The following EYS variants were observed in gnomAD, a reference collection of about 807,000 sequenced individuals.
The protein encoded by EYS is EGF-like photoreceptor maintenance factor.
In EYS, 250 loss-of-function variants were observed where a neutral mutation model predicts 282.1. That is an observed-to-expected ratio of 0.89 (90% CI 0.80 to 0.98). The LOEUF is 0.98. Among genes scored for constraint, EYS ranks in the 50% least tolerant of loss-of-function variants. EYS has a pLI of 0.00. For missense variants in EYS, 4,016 were observed against 3,709.0 expected (o/e 1.08, Z -2.15); for synonymous variants, 1,355 against 1,282.9 (o/e 1.06, Z -1.20).
chr6:64,267,539 G>T (rs1767802771), intron 30 of EYS, among the ~76,000 whole-genome samples: 1 of 151,922 alleles, frequency 6.6e-6, no homozygotes, highest in African/African-American at 2.4e-5. Context: ...AATTCCACTG[G>T]CTTTAAAGAC....
chr6:64,891,835 G>A (rs922944790), intron 18 of EYS, among the ~76,000 whole-genome samples: 2 of 151,754 alleles, frequency 1.3e-5, no homozygotes, highest in Admixed American at 1.3e-4. Flanking sequence ...TATCTTGAGA[G>A]AACAATTAAG....
chr6:65,132,172 A>C (rs1380675652), intron 12 of EYS, among the ~76,000 whole-genome samples: 1 of 151,962 alleles, frequency 6.6e-6, no homozygotes, highest in Non-Finnish European at 1.5e-5. Flanking sequence ...GAAACTGTTC[A>C]AAATATTGAG....
chr6:64,860,791 G>A (rs1014000425), intron 19 of EYS, among the ~76,000 whole-genome samples: 7 of 152,218 alleles, frequency 4.6e-5, no homozygotes, highest in Non-Finnish European at 1.0e-4. Context: ...AGGTAGACAA[G>A]TGGAGGATGA....
At chr6:63,743,754 G>T (rs1208203710) in intron 41 of EYS, among the ~76,000 whole-genome samples, 4 of 152,186 alleles carry the variant, frequency 2.6e-5, no homozygotes, top group African/African-American at 9.7e-5. Context: ...GAGACATTGA[G>T]TTTAAAGAAG....
At chr6:64,042,313 T>C (rs778261544) in intron 33 of EYS, among the ~76,000 whole-genome samples, 4 of 152,228 alleles carry the variant, frequency 2.6e-5, no homozygotes, top group South Asian at 4.1e-4. Flanking sequence ...TGCAATGCCT[T>C]GCTTCTCAGT....
chr6:65,430,747 G>C (rs1582281508), intron 5 of EYS, among the ~76,000 whole-genome samples: 1 of 152,212 alleles, frequency 6.6e-6, no homozygotes, highest in Non-Finnish European at 1.5e-5. Flanking sequence ...CCAGGCCCTA[G>C]CTGCCAGATG....
chr6:65,143,008 C>A (rs1764384637), intron 12 of EYS, among the ~76,000 whole-genome samples: 1 of 151,930 alleles, frequency 6.6e-6, no homozygotes. Flanking sequence ...TAACATACAC[C>A]TGTCCAGAAA....
intron 41 of EYS, among the ~76,000 whole-genome samples, chr6:63,757,090 A>T (rs755907803): frequency 6.6e-6 from 1 of 152,164 alleles, no homozygotes; most frequent in Non-Finnish European, 1.5e-5. Flanking sequence ...AGGGTCCGGC[A>T]GAATAGAGCC....
chr6:64,351,224 TAAG>T (rs1191417640), intron 29 of EYS, among the ~76,000 whole-genome samples: 4 of 151,612 alleles, frequency 2.6e-5, no homozygotes, highest in African/African-American at 9.7e-5. Context: ...TTAAGTTAAC[TAAG>T]AAGAAGAATA....
intron 13 of EYS, among the ~76,000 whole-genome samples, chr6:65,013,437 G>T (rs1771943211): frequency 6.6e-6 from 1 of 152,096 alleles, no homozygotes; most frequent in Non-Finnish European, 1.5e-5. Flanking sequence ...AACAATGATG[G>T]GTTCAAATAG....
chr6:64,235,824 A>G (rs1361137349), intron 30 of EYS, among the ~76,000 whole-genome samples: 1 of 152,146 alleles, frequency 6.6e-6, no homozygotes, highest in Non-Finnish European at 1.5e-5. Flanking sequence ...AATTGTGGCA[A>G]TAATCAATAG....
intron 5 of EYS, among the ~76,000 whole-genome samples, chr6:65,407,713 GT>G (rs1167596415): frequency 6.6e-6 from 1 of 151,262 alleles, no homozygotes; most frequent in African/African-American, 2.4e-5. Flanking sequence ...AATAAAGACA[GT>G]TTTACTGCTT....
At chr6:64,353,274 CTT>C (rs1190173511) in intron 29 of EYS, among the ~76,000 whole-genome samples, 3 of 151,644 alleles carry the variant, frequency 2.0e-5, no homozygotes, top group Admixed American at 6.6e-5. Context: ...AAATTTATGA[CTT>C]TGAGTCCAAA....
intron 26 of EYS, among the ~76,000 whole-genome samples, chr6:64,535,963 C>T (rs76799743): frequency 0.094 from 14,324 of 151,942 alleles, 825 homozygotes; most frequent in Non-Finnish European, 0.14. Context: ...CATTTTACAA[C>T]TTACTTCTTT....
At chr6:65,330,421 C>T (rs1265294999) in intron 11 of EYS, 1 of 984,208 alleles carries the variant, frequency 1.0e-6, no homozygotes, top group African/African-American at 1.8e-5. Context: ...AATTAACATC[C>T]CAGACTTAGC....
chr6:64,659,521 C>G (rs1053748013), intron 22 of EYS, among the ~76,000 whole-genome samples: 7 of 151,742 alleles, frequency 4.6e-5, no homozygotes, highest in Non-Finnish European at 7.4e-5. Context: ...AGAGAAGAAT[C>G]AAATAGATGC....
chr6:65,622,636 T>C lies in EYS; in HGVS notation c.-333+17142A>G, dbSNP rs575788685. 1.2e-4 allele frequency among the ~76,000 whole-genome samples: 19 copies of C among 152,290 alleles called. No homozygotes were observed. In the South Asian group the frequency reaches 2.7e-3, roughly 22 times the overall value. ...GGGATACCTGGTTTGGATTACTGCATTGGAGAAAAACGTACTTCAAAGCAG... is the reference window on the plus strand; with the variant it reads ...GGGATACCTGGTTTGGATTACTGCACTGGAGAAAAACGTACTTCAAAGCAG... On this transcript the variant is annotated intron_variant, in intron 2 of 42. Coordinates refer to ENST00000503581, the MANE Select transcript of EYS (RefSeq NM_001142800.2).
At chr6:65,654,355 C>T (rs1287878896) in intron 1 of EYS, among the ~76,000 whole-genome samples, 3 of 151,688 alleles carry the variant, frequency 2.0e-5, no homozygotes, top group South Asian at 2.1e-4. Context: ...AGATTGTATA[C>T]AAGAAATCCT....
intron 22 of EYS, among the ~76,000 whole-genome samples, chr6:64,758,149 G>T (rs1773018652): frequency 6.6e-6 from 1 of 152,054 alleles, no homozygotes; most frequent in Non-Finnish European, 1.5e-5. Flanking sequence ...TTGAGTGTCA[G>T]TCTTGTGCTT....
Sources: allele counts gnomAD v4.1 joint callset (sites outside exome capture counted in the v4.1 genomes callset), GRCh38; gene constraint gnomAD v4.1.1; transcripts MANE v1.5; gene names NCBI Gene and HGNC (gene_info 2026-07-23, HGNC 2026-07-21).